TEX2: variants seen among roughly 807,000 people sequenced by gnomAD.
TEX2 encodes testis-expressed protein 2.
In TEX2, 53 loss-of-function variants were observed where a neutral mutation model predicts 106.9. That is an observed-to-expected ratio of 0.50 (90% CI 0.40 to 0.62). The LOEUF (loss-of-function observed/expected upper bound fraction) is 0.62. TEX2 is among the 20% of genes least tolerant of loss of function. TEX2 has a pLI of 0.00. For synonymous variants in TEX2, 523 were observed against 534.8 expected (o/e 0.98, Z 0.30); for missense variants, 1,207 against 1,379.0 (o/e 0.88, Z 1.98).
rs1285450867 is a variant in TEX2, at chr17:64,188,373, T to A, written c.2219A>T (p.His740Leu). The A allele has an allele frequency of 6.2e-7, 1 of 1,614,194 alleles. No homozygotes were observed. The highest frequency in any genetic ancestry group is 1.3e-5 in the African/African-American group (1 of 75,044). The change falls in exon 5 of 12, where the codon CAC becomes CTC. Residue 740 changes from histidine (H) to leucine (L), a missense_variant. His to Leu is a moderately conservative substitution (Grantham distance 99). Coordinates refer to ENST00000584379, the MANE Select transcript of TEX2 (RefSeq NM_001288732.2). ...GCTGCTGCTGCGGCTGTGGGTCAGG[T>A]GCCCGGACGGACTGTTGTGTCTGCT... is the stretch of plus-strand genomic sequence containing the variant. ...AHSRHNSPSG[H>L]LTHSRSSSKG...
intron 6 of TEX2, among the ~76,000 whole-genome samples, chr17:64,173,569 G>A (rs892785945): frequency 1.1e-4 from 16 of 152,132 alleles, no homozygotes; most frequent in African/African-American, 3.1e-4. Flanking sequence ...TGTCTATGAC[G>A]AACAAAACGT....
At chr17:64,186,128 G>A (rs2032063015) in intron 5 of TEX2, among the ~76,000 whole-genome samples, 1 of 152,146 alleles carries the variant, frequency 6.6e-6, no homozygotes, top group Non-Finnish European at 1.5e-5. Flanking sequence ...TTTTAATTTG[G>A]GGAAATCTTT....
chr17:64,238,679 C>T (rs915761576), intron 1 of TEX2, among the ~76,000 whole-genome samples: 11 of 152,180 alleles, frequency 7.2e-5, no homozygotes, highest in African/African-American at 2.7e-4. Flanking sequence ...CACTCACTAT[C>T]ACAAGAACAG....
At chr17:64,238,596 G>C (rs1567963298) in intron 1 of TEX2, among the ~76,000 whole-genome samples, 1 of 152,190 alleles carries the variant, frequency 6.6e-6, no homozygotes, top group Non-Finnish European at 1.5e-5. Flanking sequence ...CTCTTCACAG[G>C]GTAACAGGAG....
In TEX2 at chr17:64,253,805, C is replaced by T. The variant is rs186052869; in HGVS notation, c.-26+9363G>A. Among the ~76,000 whole-genome samples the T allele has an allele frequency of 5.9e-5, 9 of 152,268 alleles. No homozygotes were observed. The South Asian group carries it at 8.3e-4, about 14-fold the overall frequency. ...CAGCTCACTGGCACTGCACTTCCCTCGGCACCTATTTTTCAGAATTTCTAG... is the reference window on the plus strand; with the variant it reads ...CAGCTCACTGGCACTGCACTTCCCTTGGCACCTATTTTTCAGAATTTCTAG... On this transcript the variant is annotated intron_variant, in intron 1 of 11. Coordinates refer to ENST00000584379, the MANE Select transcript of TEX2 (RefSeq NM_001288732.2).
At chr17:64,204,620 AAAACAGTGAGTC>A (rs1250457895) in intron 2 of TEX2, among the ~76,000 whole-genome samples, 2 of 152,238 alleles carry the variant, frequency 1.3e-5, no homozygotes, top group African/African-American at 4.8e-5. Flanking sequence ...CAATGGAATG[AAAACAGTGAGTC>A]AACAACTATG....
chr17:64,195,147 T>A lies in TEX2; in HGVS notation c.1645-52A>T, dbSNP rs781495338. On this transcript the variant is annotated intron_variant, in intron 2 of 11. Coordinates refer to ENST00000584379, the MANE Select transcript of TEX2 (RefSeq NM_001288732.2). This position sits in a 1 kb window ranked among gnomAD's most constrained non-coding sequence, Gnocchi z 4.1. Reference sequence around the variant, plus strand: ...ATATCAGAATAATCGCAAATCTGATTTAGTGTGAAATGATGAACACTGTGG... The same window carrying A: ...ATATCAGAATAATCGCAAATCTGATATAGTGTGAAATGATGAACACTGTGG... 73 of 1,543,640 alleles carry A rather than the reference T, an allele frequency of 4.7e-5. No individual in the cohort carries two copies. In the Middle Eastern group the frequency reaches 5.6e-4, roughly 12 times the overall value.
intron 2 of TEX2, among the ~76,000 whole-genome samples, chr17:64,209,327 A>G (rs1430630511): frequency 6.6e-6 from 1 of 152,242 alleles, no homozygotes; most frequent in Non-Finnish European, 1.5e-5. Flanking sequence ...TCTAATTCAT[A>G]GTAGTGTCCC....
Position 64,212,617 on chromosome 17 carries a change from C to T in TEX2, c.1601G>A (p.Trp534Ter), listed in dbSNP as rs1281989280. The change falls in exon 2 of 12, where the codon TGG becomes TAG. Residue 534 changes from tryptophan to a stop codon, truncating the protein, a stop_gained. Transcript: ENST00000584379. LOFTEE classifies it high-confidence loss of function. ...YHKLHKNLRH[W>*]NTRSLDIKEP... is the part of the protein sequence containing the mutation. The stretch of plus-strand genomic sequence containing the variant: ...TTTGATATCCAGAGATCTTGTGTTC[C>T]AGTGTCGCAGATTTTTGTGTAACTT... 6.2e-7 allele frequency: 1 copy of T among 1,614,062 alleles called. No homozygotes were observed. Among genetic ancestry groups the T allele is most frequent in the Non-Finnish European group, 8.5e-7 (1 of 1,180,034 alleles).
intron 6 of TEX2, among the ~76,000 whole-genome samples, chr17:64,176,520 T>G (rs1167838819): frequency 6.6e-6 from 1 of 152,178 alleles, no homozygotes; most frequent in Non-Finnish European, 1.5e-5. Flanking sequence ...TCAGTGAAAA[T>G]TTGGGATCCA....
In TEX2 at chr17:64,188,458, C is replaced by T. The variant is rs139773252; in HGVS notation, c.2177-43G>A. On this transcript the variant is annotated intron_variant, in intron 4 of 11. Coordinates refer to ENST00000584379, the MANE Select transcript of TEX2 (RefSeq NM_001288732.2). ...GGGGCTATTCACACAATGAAGAAAA[C>T]AACTGCAAAGTAAGCGGACTCCCTG... 362 of 1,573,950 alleles carry T rather than the reference C, an allele frequency of 2.3e-4. 1 individual carries two copies. The African/African-American group carries it at 5.2e-3, about 23-fold the overall frequency.
At chr17:64,166,276 C>T (rs535802244) in intron 7 of TEX2, among the ~76,000 whole-genome samples, 1 of 152,374 alleles carries the variant, frequency 6.6e-6, no homozygotes, top group Non-Finnish European at 1.5e-5. Context: ...CTCTACCACA[C>T]CCAAACGAGG....
chr17:64,151,349 G>C (rs2030346011), intron 10 of TEX2, among the ~76,000 whole-genome samples: 1 of 152,142 alleles, frequency 6.6e-6, no homozygotes, highest in Non-Finnish European at 1.5e-5. Flanking sequence ...AGCAGAGAGT[G>C]AAAGACACAC....
At chr17:64,222,410 C>T (rs1242921363) in intron 1 of TEX2, among the ~76,000 whole-genome samples, 4 of 150,200 alleles carry the variant, frequency 2.7e-5, no homozygotes, top group Admixed American at 1.3e-4. Context: ...CCCAGTTACT[C>T]GGGAGGCTGA....
chr17:64,189,416 C>T (rs931414973), intron 4 of TEX2, among the ~76,000 whole-genome samples: 1 of 152,110 alleles, frequency 6.6e-6, no homozygotes, highest in African/African-American at 2.4e-5. Context: ...ATTCCAGGTA[C>T]AGGAAGCAGC....
Position 64,177,442 on chromosome 17 carries a change from T to C in TEX2, c.2454A>G (p.Glu818=), listed in dbSNP as rs1276674669. Residue 818 remains glutamate, a synonymous_variant, in exon 6 of 12, where the codon GAA becomes GAG. Coordinates refer to ENST00000584379, the MANE Select transcript of TEX2 (RefSeq NM_001288732.2). ...AGGCATTCACCCAGGCTTCCTGTTC[T>C]TCCTCCTCAGAGGGTGGAACCTCTG... ...KLPEVPPSEE[E]EQEAWVNALL... is the part of the protein sequence containing the mutation. The C allele has an allele frequency of 2.5e-6, 4 of 1,614,048 alleles. No individual in the cohort carries two copies. Among genetic ancestry groups the C allele is most frequent in the Admixed American group, 3.3e-5 (2 of 60,000 alleles).
chr17:64,190,671 C>G (rs2032263176), intron 4 of TEX2, among the ~76,000 whole-genome samples: 1 of 152,192 alleles, frequency 6.6e-6, no homozygotes, highest in Non-Finnish European at 1.5e-5. Flanking sequence ...GGAATTCTGC[C>G]AAATGACCAT....
rs1692427306 is a variant in TEX2, at chr17:64,185,725, C to A, written c.2424+2443G>T. 6.6e-6 allele frequency among the ~76,000 whole-genome samples: 1 copy of A among 152,088 alleles called. No homozygotes were observed. The highest frequency in any genetic ancestry group is 2.4e-5 in the African/African-American group (1 of 41,408). ...ATCACCAGAGGTCAGGAGTTCAAGA[C>A]CAGCCTGGCCAACATTGTGAAACTC... On this transcript the variant is annotated intron_variant, in intron 5 of 11. Transcript: ENST00000584379. The surrounding 1 kb of genome is among the most constrained non-coding windows in gnomAD (Gnocchi z 4.0).
At chr17:64,189,508 G>A (rs191965337) in intron 4 of TEX2, among the ~76,000 whole-genome samples, 7 of 152,284 alleles carry the variant, frequency 4.6e-5, no homozygotes, top group Non-Finnish European at 2.9e-5. Flanking sequence ...AGTACGGGGG[G>A]CAGAGGATAG....
Sources: allele counts gnomAD v4.1 joint callset (sites outside exome capture counted in the v4.1 genomes callset), GRCh38; gene constraint gnomAD v4.1.1; non-coding constraint Gnocchi (gnomAD v3.1); transcripts MANE v1.5; gene names NCBI Gene and HGNC (gene_info 2026-07-23, HGNC 2026-07-21).